PTPRD: variants seen among roughly 807,000 people sequenced by gnomAD.
PTPRD encodes the protein receptor-type tyrosine-protein phosphatase delta.
PTPRD carries 34 observed loss-of-function variants against 214.5 expected under a neutral mutation model. That is an observed-to-expected ratio of 0.16 (90% confidence interval 0.12 to 0.21). PTPRD has a LOEUF of 0.21. Ranked by LOEUF, PTPRD falls within the 10% of genes least tolerant of loss-of-function variation. PTPRD has a pLI of 1.00. For missense variants in PTPRD, 2,545 were observed against 2,398.7 expected (o/e 1.06, Z -1.27); for synonymous variants, 1,128 against 845.7 (o/e 1.33, Z -5.79).
At chr9:9,334,465 C>T (rs957063794) in intron 9 of PTPRD, among the ~76,000 whole-genome samples, 1 of 151,626 alleles carries the variant, frequency 6.6e-6, no homozygotes, top group African/African-American at 2.4e-5. Context: ...TAATAGTTTC[C>T]CTAACTTTTC....
chr9:9,881,496 A>G (rs1199815800), intron 5 of PTPRD, among the ~76,000 whole-genome samples: 1 of 152,118 alleles, frequency 6.6e-6, no homozygotes, highest in African/African-American at 2.4e-5. Flanking sequence ...CCGCATCTTC[A>G]TCTTTTATAA....
At chr9:9,044,428 T>C (rs1282372690) in intron 10 of PTPRD, among the ~76,000 whole-genome samples, 1 of 152,242 alleles carries the variant, frequency 6.6e-6, no homozygotes, top group Non-Finnish European at 1.5e-5. Context: ...AGGACACTTT[T>C]GCAGCAAACT....
intron 35 of PTPRD, among the ~76,000 whole-genome samples, chr9:8,409,304 T>G (rs1564608395): frequency 2.6e-5 from 4 of 152,128 alleles, no homozygotes; most frequent in African/African-American, 9.7e-5. Context: ...GAGGCCAGGC[T>G]GGGGGTCCAC....
intron 11 of PTPRD, among the ~76,000 whole-genome samples, chr9:8,767,342 C>G (rs1334824171): frequency 6.6e-6 from 1 of 152,062 alleles, no homozygotes; most frequent in African/African-American, 2.4e-5. Context: ...GTCTCGAACT[C>G]CTGACCTCAA....
At position 10,481,108 on chromosome 9, in the gene PTPRD, G is replaced by A. The variant is rs569251228; in HGVS notation, c.-600+131290C>T. Among the ~76,000 whole-genome samples, 101 of 151,926 alleles carry A rather than the reference G, an allele frequency of 6.6e-4. 2 individuals carry two copies. The South Asian group carries it at 0.019, about 29-fold the overall frequency. On this transcript the variant is annotated intron_variant, in intron 2 of 45. Coordinates refer to ENST00000381196, the MANE Select transcript of PTPRD (RefSeq NM_002839.4). ...ATCTATCCTGCTCAAGAAAAAAAAG[G>A]AGAGGTGTTCTGAAATATTTATGGA...
chr9:8,537,341 GA>G lies in PTPRD; in HGVS notation c.353-8563del, dbSNP rs562790816. On this transcript the variant is annotated intron_variant, in intron 14 of 45. Transcript: ENST00000381196. ...AGTCAGCAAGAAACTATATAAAGCAGAAAAAAAAACTGACAGTTAATACATG... is the reference window on the plus strand; with the variant it reads ...AGTCAGCAAGAAACTATATAAAGCAGAAAAAAAACTGACAGTTAATACATG... Among the ~76,000 whole-genome samples, 26 of 149,770 alleles carry G rather than the reference GA, an allele frequency of 1.7e-4. 1 individual carries two copies. Among genetic ancestry groups the G allele is most frequent in the Non-Finnish European group, 8.9e-5 (6 of 67,304 alleles).
intron 2 of PTPRD, among the ~76,000 whole-genome samples, chr9:10,522,308 C>T (rs989805871): frequency 2.0e-5 from 3 of 152,124 alleles, no homozygotes; most frequent in Non-Finnish European, 4.4e-5. Flanking sequence ...GAATACACAG[C>T]CCTCAAGTGT....
chr9:9,559,638 A>G (rs892084502), intron 8 of PTPRD, among the ~76,000 whole-genome samples: 2 of 152,230 alleles, frequency 1.3e-5, no homozygotes, highest in African/African-American at 4.8e-5. Context: ...AGACTATGAC[A>G]TATAGTGGAG....
intron 8 of PTPRD, among the ~76,000 whole-genome samples, chr9:9,444,661 C>G (rs183680826): frequency 6.6e-6 from 1 of 152,238 alleles, no homozygotes; most frequent in Non-Finnish European, 1.5e-5. Flanking sequence ...CCAAGTTAGA[C>G]TGGGGTAGGA....
intron 9 of PTPRD, among the ~76,000 whole-genome samples, chr9:9,239,859 G>T (rs913381086): frequency 6.6e-6 from 1 of 152,120 alleles, no homozygotes; most frequent in Admixed American, 6.6e-5. Flanking sequence ...GTGGGTCAAA[G>T]ATCCAGATGT....
chr9:8,982,211 G>T (rs1436447542), intron 11 of PTPRD, among the ~76,000 whole-genome samples: 1 of 151,874 alleles, frequency 6.6e-6, no homozygotes, highest in Non-Finnish European at 1.5e-5. Context: ...GTACTGAATG[G>T]TATTTCATTG....
chr9:9,670,327 T>C (rs2096802969), intron 7 of PTPRD, among the ~76,000 whole-genome samples: 1 of 151,988 alleles, frequency 6.6e-6, no homozygotes, highest in Non-Finnish European at 1.5e-5. Context: ...ATTCAAGAGG[T>C]GACTTGGGTG....
At chr9:8,574,788 A>T (rs571421681) in intron 14 of PTPRD, among the ~76,000 whole-genome samples, 1 of 152,162 alleles carries the variant, frequency 6.6e-6, no homozygotes, top group South Asian at 2.1e-4. Flanking sequence ...GTTAATTGCC[A>T]ATCCCATTTA....
chr9:9,847,580 C>T (rs1242149333), intron 5 of PTPRD, among the ~76,000 whole-genome samples: 2 of 152,074 alleles, frequency 1.3e-5, no homozygotes, highest in African/African-American at 4.8e-5. Context: ...CATATTCTTG[C>T]CACTTTACAG....
At chr9:9,625,321 C>T (rs1457515654) in intron 7 of PTPRD, among the ~76,000 whole-genome samples, 2 of 152,146 alleles carry the variant, frequency 1.3e-5, no homozygotes, top group Non-Finnish European at 2.9e-5. Flanking sequence ...AGCCTATTGG[C>T]TGGTGTCTGA....
At chr9:9,062,091 C>T (rs545277086) in intron 10 of PTPRD, among the ~76,000 whole-genome samples, 1 of 152,170 alleles carries the variant, frequency 6.6e-6, no homozygotes. Context: ...GCTCTCATCC[C>T]CTCATTTTAT....
chr9:10,146,958 G>C (rs890411574), intron 3 of PTPRD, among the ~76,000 whole-genome samples: 5 of 152,106 alleles, frequency 3.3e-5, no homozygotes, highest in African/African-American at 1.2e-4. Context: ...CAAGATCTTA[G>C]ATCCAGACAT....
chr9:8,363,611 G>A (rs1476332159), intron 39 of PTPRD, among the ~76,000 whole-genome samples: 2 of 152,178 alleles, frequency 1.3e-5, no homozygotes, highest in Non-Finnish European at 2.9e-5. Context: ...ATCCAGTCCT[G>A]TGAAGGAAAT....
chr9:9,914,900 C>A lies in PTPRD; in HGVS notation c.-368+23607G>T, dbSNP rs541465702. ...CAGGCTGCCCTTGGAAGACATGCTT[C>A]CAGGCTGGCAGAAAAACTGCATGCC... On this transcript the variant is annotated intron_variant, in intron 5 of 45. Transcript: ENST00000381196. Among the ~76,000 whole-genome samples the A allele has an allele frequency of 9.2e-5, 14 of 152,254 alleles. No homozygotes were observed. The South Asian group carries it at 2.9e-3, about 32-fold the overall frequency.
Sources: gnomAD v4.1 joint callset for allele counts (sites outside exome capture counted in the v4.1 genomes callset) on GRCh38, gnomAD v4.1.1 for gene constraint, MANE v1.5 for transcripts, NCBI Gene and HGNC (gene_info 2026-07-23, HGNC 2026-07-21) for gene names.